CASTOR2: variants seen among roughly 807,000 people sequenced by gnomAD.
CASTOR2 encodes the protein GATS protein like 2.
CASTOR2 carries 8 observed loss-of-function variants against 31.2 expected under a neutral mutation model. The observed-to-expected ratio is 0.26, with a 90% confidence interval of 0.15 to 0.46. The LOEUF (loss-of-function observed/expected upper bound fraction) is 0.46, where lower values mean the gene tolerates loss of function less well. Ranked by LOEUF, CASTOR2 falls within the 20% of genes least tolerant of loss-of-function variation. CASTOR2 has a pLI of 0.99. For synonymous variants in CASTOR2, 162 were observed against 158.7 expected (o/e 1.02, Z -0.16); for missense variants, 216 against 382.1 (o/e 0.57, Z 3.62).
chr7:74,985,127 A>G (rs1804032611), intron 1 of CASTOR2, among the ~76,000 whole-genome samples: 1 of 151,984 alleles, frequency 6.6e-6, no homozygotes, highest in South Asian at 2.1e-4. Context: ...ACAGAGTGAG[A>G]CCCTGTCTCA....
intron 2 of CASTOR2, 71 bp downstream of exon 2, chr7:75,008,135 A>C: frequency 1.3e-6 from 2 of 1,486,710 alleles, no homozygotes; most frequent in Non-Finnish European, 1.8e-6. Flanking sequence ...CCACCTCCTT[A>C]TTTCTGTCCC....
At chr7:75,009,262 C>CTT (rs1161937896) in intron 2 of CASTOR2, among the ~76,000 whole-genome samples, 36,127 of 60,302 alleles carry the variant, frequency 0.6, 13,672 homozygotes, top group East Asian at 0.75. Context: ...GGCCTGAGAA[C>CTT]TTTTTTTTTT....
chr7:74,998,033 G>A (rs1310738379), intron 1 of CASTOR2, among the ~76,000 whole-genome samples: 1 of 152,124 alleles, frequency 6.6e-6, no homozygotes, highest in Non-Finnish European at 1.5e-5. Flanking sequence ...AAGGGTGGAT[G>A]TCTCAGAATG....
intron 2 of CASTOR2, among the ~76,000 whole-genome samples, chr7:75,014,546 C>T (rs1229118800): frequency 1.3e-5 from 2 of 151,990 alleles, no homozygotes; most frequent in East Asian, 1.9e-4. Context: ...GAGCCGAGAT[C>T]GCGCCGCTGC....
chr7:75,007,880 C>A, intron 1 of CASTOR2, 114 bp from the exon 2 acceptor site: 1 of 1,507,034 alleles, frequency 6.6e-7, no homozygotes, highest in South Asian at 1.1e-5. Flanking sequence ...CCCCAGCAGC[C>A]TGGGGCCGGA....
chr7:74,999,137 A>G (rs1410466471), intron 1 of CASTOR2, among the ~76,000 whole-genome samples: 1 of 151,912 alleles, frequency 6.6e-6, no homozygotes, highest in Non-Finnish European at 1.5e-5. Context: ...CTGGGACTAC[A>G]GGCGCCCGCC....
rs1170983712 is a variant in CASTOR2 at position 75,027,613 on chromosome 7, T to G, written c.*2914T>G. On this transcript the variant is annotated 3_prime_UTR_variant, in exon 9 of 9. Transcript: ENST00000616305. The stretch of plus-strand genomic sequence containing the variant: ...CGTGTCATGGAGAAAAGCATGTGTG[T>G]CGGGGCGCGCTGGGGCCAGGGTATG... 1 of 200,270 alleles carries G rather than the reference T, an allele frequency of 5.0e-6. No homozygotes were observed. The highest frequency in any genetic ancestry group is 1.0e-5 in the Non-Finnish European group (1 of 97,272). 12.4% of individuals were successfully genotyped at this position (200,270 alleles called of 1,614,324 possible). A position where few individuals can be genotyped will look rare whatever the true frequency, so the allele number is the denominator to read the frequency against.
chr7:75,022,369 G>A (rs1805027162), intron 7 of CASTOR2, among the ~76,000 whole-genome samples: 1 of 152,140 alleles, frequency 6.6e-6, no homozygotes, highest in African/African-American at 2.4e-5. Context: ...GCTGGGCATG[G>A]TGGCTGGCGC....
intron 2 of CASTOR2, among the ~76,000 whole-genome samples, chr7:75,009,063 TCTC>T (rs1804669265): frequency 6.6e-6 from 1 of 151,924 alleles, no homozygotes; most frequent in African/African-American, 2.4e-5. Flanking sequence ...TTCAAGCCAT[TCTC>T]CTGCCTCAGC....
chr7:75,020,262 A>C, intron 6 of CASTOR2, 113 bp downstream of exon 6: 1 of 1,057,950 alleles, frequency 9.5e-7, no homozygotes, highest in Non-Finnish European at 1.4e-6. Flanking sequence ...TTTTTTTTTG[A>C]TACGGGGTCT....
At chr7:75,001,279 T>C (rs1804488968) in intron 1 of CASTOR2, among the ~76,000 whole-genome samples, 1 of 152,148 alleles carries the variant, frequency 6.6e-6, no homozygotes, top group Non-Finnish European at 1.5e-5. Context: ...AGTCTTACCA[T>C]GTTGCCCAGG....
rs1805145217 is a variant in CASTOR2, at chr7:75,026,717, A to C, written c.*2018A>C. Among the ~76,000 whole-genome samples the C allele has an allele frequency of 6.6e-6, 1 of 151,904 alleles. No individual in the cohort carries two copies. The highest frequency in any genetic ancestry group is 1.5e-5 in the Non-Finnish European group (1 of 67,958). On this transcript the variant is annotated 3_prime_UTR_variant, in exon 9 of 9. Coordinates refer to ENST00000616305, the MANE Select transcript of CASTOR2 (RefSeq NM_001145064.3). ...CAAAACTCCAGAACAAAACTCGTAC[A>C]TTGCTGGTCCCAAAAGGGAGGTGGC...
chr7:75,001,109 C>T (rs1804484555), intron 1 of CASTOR2, among the ~76,000 whole-genome samples: 1 of 152,160 alleles, frequency 6.6e-6, no homozygotes, highest in South Asian at 2.1e-4. Context: ...CAGGATCTCA[C>T]TGTGTCACCC....
At chr7:74,982,549 G>A (rs1803970795) in intron 1 of CASTOR2, among the ~76,000 whole-genome samples, 1 of 136,266 alleles carries the variant, frequency 7.3e-6, no homozygotes, top group Non-Finnish European at 1.6e-5. Flanking sequence ...GAATGAGGGG[G>A]TGTATGGGCT....
intron 1 of CASTOR2, among the ~76,000 whole-genome samples, chr7:74,998,235 C>T (rs1164775302): frequency 1.3e-5 from 2 of 152,182 alleles, no homozygotes; most frequent in Non-Finnish European, 2.9e-5. Context: ...ACACTGATTA[C>T]AGACCTCGTA....
chr7:75,013,158 C>T (rs1258687052), intron 2 of CASTOR2, among the ~76,000 whole-genome samples: 2 of 152,220 alleles, frequency 1.3e-5, no homozygotes, highest in South Asian at 4.1e-4. Context: ...GCGCTGCAAA[C>T]ATTGCTTCCC....
Position 75,008,050 on chromosome 7 carries a change from A to T in CASTOR2, c.170A>T (p.Glu57Val). 1.9e-6 allele frequency: 3 copies of T among 1,613,920 alleles called. No homozygotes were observed. The highest frequency in any genetic ancestry group is 2.5e-6 in the Non-Finnish European group (3 of 1,179,860). ...GAGGATTACACTATCATTGTCGATG[A>T]GGAAGGATTCCTAGGTAAGTGCTTC... ...TPEDYTIIVD[E>V]EGFLELPSSE... The change falls in exon 2 of 9, where the codon GAG becomes GTG. Residue 57 changes from glutamate to valine, a missense_variant. Glu to Val is a moderately radical substitution (Grantham distance 121). This residue lies in a region of CASTOR2 where 114 missense variants were observed against 194.2 expected (regional missense o/e 0.59). Coordinates refer to ENST00000616305, the MANE Select transcript of CASTOR2 (RefSeq NM_001145064.3).
intron 2 of CASTOR2, among the ~76,000 whole-genome samples, chr7:75,013,271 T>G (rs1183956753): frequency 6.6e-6 from 1 of 152,204 alleles, no homozygotes; most frequent in Non-Finnish European, 1.5e-5. Flanking sequence ...CAGTGGATGC[T>G]GGGTCTTTCC....
chr7:74,977,229 C>G (rs1803836654), intron 1 of CASTOR2, among the ~76,000 whole-genome samples: 1 of 148,738 alleles, frequency 6.7e-6, no homozygotes, highest in South Asian at 2.2e-4. Flanking sequence ...TTTAATTGGT[C>G]TCTTCTGAGC....
Sources: allele counts gnomAD v4.1 joint callset (sites outside exome capture counted in the v4.1 genomes callset), GRCh38; gene constraint gnomAD v4.1.1; regional missense constraint gnomAD v4.1.1; transcripts MANE v1.5; gene names NCBI Gene and HGNC (gene_info 2026-07-23, HGNC 2026-07-21).